The following GALNT18 variants were observed in gnomAD, a reference collection of about 807,000 sequenced individuals.
GALNT18 encodes the protein polypeptide N-acetylgalactosaminyltransferase 18, also known as GalNAc-transferase 18.
In GALNT18, 44 loss-of-function variants were observed where a neutral mutation model predicts 69.5. That is an observed-to-expected ratio of 0.63 (90% confidence interval 0.50 to 0.81). The LOEUF (loss-of-function observed/expected upper bound fraction) is 0.81, where lower values mean the gene tolerates loss of function less well. Ranked by LOEUF, GALNT18 falls within the 40% of genes least tolerant of loss-of-function variation. The probability of loss-of-function intolerance (pLI) is 0.00; values close to 1 mark genes in which losing one functional copy is unlikely to be tolerated. For synonymous variants in GALNT18, 364 were observed against 318.2 expected (o/e 1.14, Z -1.53); for missense variants, 715 against 810.0 (o/e 0.88, Z 1.42).
At chr11:11,282,337 TAAC>T (rs1454480937) in intron 10 of GALNT18, among the ~76,000 whole-genome samples, 1 of 152,226 alleles carries the variant, frequency 6.6e-6, no homozygotes, top group Non-Finnish European at 1.5e-5. Flanking sequence ...ATGAGAGGAA[TAAC>T]AACTATCACT....
intron 1 of GALNT18, among the ~76,000 whole-genome samples, chr11:11,455,322 A>G (rs1205472295): frequency 6.6e-6 from 1 of 152,164 alleles, no homozygotes; most frequent in Non-Finnish European, 1.5e-5. Context: ...CAATGCTCTG[A>G]TCAAGGGTAT....
rs903812518 is a variant in GALNT18, at chr11:11,540,059, G to T, written c.235+81300C>A. Among the ~76,000 whole-genome samples, 26 of 152,146 alleles carry T rather than the reference G, an allele frequency of 1.7e-4. No homozygotes were observed. Among genetic ancestry groups the T allele is most frequent in the African/African-American group, 2.4e-5 (1 of 41,440 alleles). Reference sequence around the variant, plus strand: ...TCCGGCACTTGCAGCCTGGCCTCTGGGCTGGCACCCCAGCCCCACCCACCA... The same window carrying T: ...TCCGGCACTTGCAGCCTGGCCTCTGTGCTGGCACCCCAGCCCCACCCACCA... On this transcript the variant is annotated intron_variant, in intron 1 of 10. Transcript: ENST00000227756. The surrounding 1 kb of genome is among the most constrained non-coding windows in gnomAD (Gnocchi z 4.6).
chr11:11,555,694 C>T lies in GALNT18; in HGVS notation c.235+65665G>A, dbSNP rs1009925424. On this transcript the variant is annotated intron_variant, in intron 1 of 10. Transcript: ENST00000227756. This position sits in a 1 kb window ranked among gnomAD's most constrained non-coding sequence, Gnocchi z 4.7. ...TTCCTTAACAGCATTACCAGGGAAG[C>T]AAGTAATGGTCAAGCCTTCCTGCAA... Among the ~76,000 whole-genome samples, 3 of 152,196 alleles carry T rather than the reference C, an allele frequency of 2.0e-5. No individual in the cohort carries two copies. Among genetic ancestry groups the T allele is most frequent in the African/African-American group, 7.2e-5 (3 of 41,456 alleles).
intron 1 of GALNT18, among the ~76,000 whole-genome samples, chr11:11,491,263 A>G (rs1219996436): frequency 6.6e-6 from 1 of 152,186 alleles, no homozygotes; most frequent in Non-Finnish European, 1.5e-5. Flanking sequence ...ATGTCCTATG[A>G]ATCATTTGCA....
At chr11:11,375,161 A>G (rs1391593975) in intron 5 of GALNT18, among the ~76,000 whole-genome samples, 1 of 152,210 alleles carries the variant, frequency 6.6e-6, no homozygotes, top group Non-Finnish European at 1.5e-5. Context: ...CAAAGCACTC[A>G]AGTATAGCTT....
At chr11:11,299,974 C>G (rs563469229) in intron 9 of GALNT18, among the ~76,000 whole-genome samples, 1 of 152,184 alleles carries the variant, frequency 6.6e-6, no homozygotes, top group Non-Finnish European at 1.5e-5. Flanking sequence ...AATTCTGGAG[C>G]CCTCACCAAG....
At chr11:11,448,974 G>A (rs1855729287) in intron 1 of GALNT18, 38 bp from the exon 2 acceptor site, 3 of 1,473,502 alleles carry the variant, frequency 2.0e-6, no homozygotes, top group Non-Finnish European at 2.7e-6. Context: ...GGGTCAGAGT[G>A]CACCCCTGCA....
intron 1 of GALNT18, among the ~76,000 whole-genome samples, chr11:11,568,189 C>T (rs2133992678): frequency 6.6e-6 from 1 of 152,356 alleles, no homozygotes; most frequent in East Asian, 1.9e-4. Context: ...AGCCAACGCA[C>T]AGCCCAGGTG....
intron 9 of GALNT18, among the ~76,000 whole-genome samples, chr11:11,323,028 C>A (rs1590037045): frequency 6.6e-6 from 1 of 152,254 alleles, no homozygotes; most frequent in East Asian, 1.9e-4. Context: ...ACTTTAATTA[C>A]TTCCTCACTT....
chr11:11,353,398 A>G, intron 6 of GALNT18: 1 of 547,582 alleles, frequency 1.8e-6, no homozygotes, highest in East Asian at 3.1e-5. Flanking sequence ...TACTCAGCAT[A>G]TTCAGAGCCC....
Position 11,372,611 on chromosome 11 carries a change from G to A in GALNT18, c.996C>T (p.Gly332=), listed in dbSNP as rs199868699. Residue 332 remains glycine (G), a synonymous_variant, in exon 6 of 11, where the codon GGC becomes GGT. Transcript: ENST00000227756. The surrounding 1 kb of genome is among the most constrained non-coding windows in gnomAD (Gnocchi z 4.9). ...TAPIRSPALI[G]CFIVDRQYFQ... ...AGTACTGCCGGTCCACAATGAAGCA[G>A]CCAATGAGGGCAGGGCTCCTGCAGG... 6 of 1,614,162 alleles carry A rather than the reference G, an allele frequency of 3.7e-6. No individual in the cohort carries two copies. The highest frequency in any genetic ancestry group is 2.2e-5 in the South Asian group (2 of 91,080).
chr11:11,376,575 A>G (rs1853766866), intron 5 of GALNT18, among the ~76,000 whole-genome samples: 1 of 152,022 alleles, frequency 6.6e-6, no homozygotes, highest in Admixed American at 6.6e-5. Context: ...ACAGAATAAC[A>G]CTCAAATATC....
chr11:11,376,776 C>T (rs955869153), intron 5 of GALNT18, among the ~76,000 whole-genome samples: 7 of 152,160 alleles, frequency 4.6e-5, no homozygotes, highest in Non-Finnish European at 8.8e-5. Context: ...AGTGAAAATG[C>T]TGCCCTCTGA....
chr11:11,298,960 C>T (rs1448989422), intron 9 of GALNT18, among the ~76,000 whole-genome samples: 1 of 152,134 alleles, frequency 6.6e-6, no homozygotes, highest in African/African-American at 2.4e-5. Context: ...CGCCTCCAAC[C>T]TCCACCAGGC....
At chr11:11,446,391 T>C (rs969365725) in intron 2 of GALNT18, among the ~76,000 whole-genome samples, 2 of 152,204 alleles carry the variant, frequency 1.3e-5, no homozygotes, top group Non-Finnish European at 2.9e-5. Context: ...CTGTGTTTTG[T>C]AACAGATTGA....
chr11:11,377,126 C>G lies in GALNT18; in HGVS notation c.977+56G>C, dbSNP rs1218603918. ...GGAGAATAAGCATTGGACCAGTAGG[C>G]GGTCCCTAGCCTGGAGGTCAAAGCG... On this transcript the variant is annotated intron_variant, in intron 5 of 10. Coordinates refer to ENST00000227756, the MANE Select transcript of GALNT18 (RefSeq NM_198516.3). This position sits in a 1 kb window ranked among gnomAD's most constrained non-coding sequence, Gnocchi z 4.6. 1 of 1,518,868 alleles carries G rather than the reference C, an allele frequency of 6.6e-7. No individual in the cohort carries two copies. The highest frequency in any genetic ancestry group is 9.1e-7 in the Non-Finnish European group (1 of 1,099,076). The allele number at this position is 1,518,868 out of a possible 1,614,324, so 94.1% of individuals were successfully genotyped here.
In GALNT18 at chr11:11,511,804, C is replaced by T. The variant is rs943570539; in HGVS notation, c.236-62868G>A. ...GATACAATGAGAAGTTGGCAGTAAA[C>T]AACCCAGAAGAGGGCCCTCACCAGA... On this transcript the variant is annotated intron_variant, in intron 1 of 10. Transcript: ENST00000227756. The surrounding 1 kb of genome is among the most constrained non-coding windows in gnomAD (Gnocchi z 4.9). 2.6e-5 allele frequency among the ~76,000 whole-genome samples: 4 copies of T among 152,122 alleles called. No homozygotes were observed. Among genetic ancestry groups the T allele is most frequent in the African/African-American group, 9.7e-5 (4 of 41,424 alleles).
At chr11:11,568,992 T>C (rs1331153953) in intron 1 of GALNT18, among the ~76,000 whole-genome samples, 1 of 152,154 alleles carries the variant, frequency 6.6e-6, no homozygotes, top group Non-Finnish European at 1.5e-5. Context: ...AAATCACTGA[T>C]CAGGTGATCT....
chr11:11,612,554 T>G (rs1859934851), intron 1 of GALNT18, among the ~76,000 whole-genome samples: 1 of 152,214 alleles, frequency 6.6e-6, no homozygotes, highest in African/African-American at 2.4e-5. Flanking sequence ...AATCCTGTCT[T>G]GCCAGAGTCC....
Sources: allele counts gnomAD v4.1 joint callset (sites outside exome capture counted in the v4.1 genomes callset), GRCh38; gene constraint gnomAD v4.1.1; non-coding constraint Gnocchi (gnomAD v3.1); transcripts MANE v1.5; gene names NCBI Gene and HGNC (gene_info 2026-07-23, HGNC 2026-07-21).